Variants in RLN2 observed in about 807,000 individuals in gnomAD.
The protein encoded by RLN2 is relaxin 2.
A neutral mutation model predicts 7.3 loss-of-function variants in RLN2; 10 were observed. That is an observed-to-expected ratio of 1.36 (90% CI 0.84 to 2.31). The LOEUF is 2.31. Ranked by LOEUF, RLN2 falls within the 30% of genes most tolerant of loss-of-function variation. The pLI, the probability that RLN2 is intolerant of heterozygous loss-of-function variation, is 0.00. For synonymous variants in RLN2, 103 were observed against 82.3 expected, an observed-to-expected ratio of 1.25 and a Z score of -1.36; for missense variants, 298 against 217.6, an observed-to-expected ratio of 1.37 and a Z score of -2.32.
chr9:5,318,007 C>CGCGTGTGTGT, the RLN2 span, among the ~76,000 whole-genome samples: 5 of 147,948 alleles, frequency 3.4e-5, no homozygotes, highest in African/African-American at 1.0e-4. Flanking sequence ...TGTGTGTGTG[C>CGCGTGTGTGT]GTGTGTGTGT....
chr9:5,305,401 ACAG>A (rs1554617945), upstream of RLN2, among the ~76,000 whole-genome samples: 6 of 137,890 alleles, frequency 4.4e-5, no homozygotes, highest in Non-Finnish European at 9.1e-5. Context: ...ACACACACAC[ACAG>A]AGAGAGAGAG....
chr9:5,326,797 T>A, the RLN2 span, among the ~76,000 whole-genome samples: 1 of 152,092 alleles, frequency 6.6e-6, no homozygotes, highest in Non-Finnish European at 1.5e-5. Context: ...AAATGATGGT[T>A]AGCACAAATC....
the RLN2 span, chr9:5,335,567 G>T: frequency 6.2e-7 from 1 of 1,610,008 alleles, no homozygotes; most frequent in African/African-American, 1.3e-5. Context: ...TATAGTTTCT[G>T]TATCTTTGTT....
At chr9:5,308,917 A>G (rs1268585933), upstream of RLN2, among the ~76,000 whole-genome samples, 1 of 152,024 alleles carries the variant, frequency 6.6e-6, no homozygotes. Flanking sequence ...TGATACTGCA[A>G]AGCCTGCCTC....
upstream of RLN2, among the ~76,000 whole-genome samples, chr9:5,306,915 T>C (rs555289000): frequency 6.6e-6 from 1 of 152,232 alleles, no homozygotes; most frequent in Admixed American, 6.5e-5. Flanking sequence ...CAGTTCTGTC[T>C]AATACAACCT....
the RLN2 span, among the ~76,000 whole-genome samples, chr9:5,332,467 GGTTT>G: frequency 6.6e-6 from 1 of 151,858 alleles, no homozygotes; most frequent in Non-Finnish European, 1.5e-5. Flanking sequence ...CTAGAAATAA[GGTTT>G]ATTTTGTTGA....
chr9:5,319,097 C>A, the RLN2 span, among the ~76,000 whole-genome samples: 6 of 152,024 alleles, frequency 3.9e-5, no homozygotes, highest in South Asian at 2.1e-4. Flanking sequence ...TAGTGTTGCT[C>A]TTTTTATCAT....
chr9:5,301,295 G>C (rs913238906), intron 1 of RLN2, among the ~76,000 whole-genome samples: 1 of 152,134 alleles, frequency 6.6e-6, no homozygotes, highest in Non-Finnish European at 1.5e-5. Flanking sequence ...ACTTGGGCTG[G>C]GAACCTGCTG....
At chr9:5,309,965 G>A in the RLN2 span, among the ~76,000 whole-genome samples, 1 of 151,960 alleles carries the variant, frequency 6.6e-6, no homozygotes, top group Non-Finnish European at 1.5e-5. Context: ...AAGACCCTGT[G>A]ACACACAGTG....
At chr9:5,331,947 T>C in the RLN2 span, among the ~76,000 whole-genome samples, 1 of 152,026 alleles carries the variant, frequency 6.6e-6, no homozygotes. Context: ...ATGTATATTA[T>C]GAAAATACAT....
At chr9:5,315,996 G>C in the RLN2 span, among the ~76,000 whole-genome samples, 3 of 151,836 alleles carry the variant, frequency 2.0e-5, no homozygotes, top group Non-Finnish European at 4.4e-5. Flanking sequence ...CTAATATGAA[G>C]ATATAAGAGA....
chr9:5,320,628 C>T, the RLN2 span, among the ~76,000 whole-genome samples: 2 of 152,072 alleles, frequency 1.3e-5, no homozygotes, highest in African/African-American at 4.8e-5. Context: ...ACCTCAGCCT[C>T]CCAAAGTGCT....
chr9:5,335,689 G>T, the RLN2 span: 785 of 730,658 alleles, frequency 1.1e-3, 12 homozygotes, highest in African/African-American at 0.011. Context: ...ACAAAGAAAA[G>T]AAAGCATTGC....
the RLN2 span, among the ~76,000 whole-genome samples, chr9:5,313,126 T>C: frequency 7.8e-4 from 118 of 152,102 alleles, no homozygotes; most frequent in East Asian, 0.016. Context: ...AGTCCAAGTT[T>C]CCTTATTTTC....
upstream of RLN2, chr9:5,304,777 A>AC: frequency 1.7e-6 from 1 of 597,096 alleles, no homozygotes; most frequent in Non-Finnish European, 3.0e-6. Flanking sequence ...CCTTTCCCAC[A>AC]CCCCTCCACA....
the RLN2 span, among the ~76,000 whole-genome samples, chr9:5,323,401 TAAAGA>T: frequency 6.6e-6 from 1 of 152,024 alleles, no homozygotes; most frequent in Non-Finnish European, 1.5e-5. Flanking sequence ...ATAAAATATA[TAAAGA>T]AAACAAATTC....
chr9:5,323,761 A>G, the RLN2 span, among the ~76,000 whole-genome samples: 1 of 152,018 alleles, frequency 6.6e-6, no homozygotes, highest in African/African-American at 2.4e-5. Context: ...ATTAAAATAC[A>G]CAGGCCAGGC....
the RLN2 span, chr9:5,335,411 A>T: frequency 6.2e-7 from 1 of 1,613,758 alleles, no homozygotes; most frequent in Admixed American, 1.7e-5. Flanking sequence ...CCTATTGCGA[A>T]TAAGTTTCTT....
the RLN2 span, among the ~76,000 whole-genome samples, chr9:5,333,559 G>T: frequency 1.5e-4 from 23 of 151,942 alleles, no homozygotes; most frequent in Non-Finnish European, 3.2e-4. Context: ...CCCAGGTCCT[G>T]ATGGATTTAC....
Sources: allele counts gnomAD v4.1 joint callset (sites outside exome capture counted in the v4.1 genomes callset), GRCh38; gene constraint gnomAD v4.1.1; transcripts MANE v1.5; gene names NCBI Gene and HGNC (gene_info 2026-07-23, HGNC 2026-07-21).